Variants in IPCEF1 observed in about 807,000 individuals in gnomAD.
IPCEF1 encodes interactor protein for cytohesin exchange factors 1.
IPCEF1 carries 31 observed loss-of-function variants against 50.9 expected under a neutral mutation model. The ratio of observed to expected loss-of-function variants is 0.61; its 90% CI spans 0.46 to 0.82. IPCEF1 has a LOEUF of 0.82. IPCEF1 is among the 40% of genes least tolerant of loss of function. The pLI, the probability that IPCEF1 is intolerant of heterozygous loss-of-function variation, is 0.00. For missense variants in IPCEF1, 458 were observed against 514.0 expected (o/e 0.89, Z 1.05); for synonymous variants, 181 against 192.0 (o/e 0.94, Z 0.47).
At chr6:154,267,337 T>C (rs1379585364) in intron 2 of IPCEF1, among the ~76,000 whole-genome samples, 2 of 151,616 alleles carry the variant, frequency 1.3e-5, no homozygotes, top group Admixed American at 6.6e-5. Context: ...ATCTCATTAG[T>C]AATAAAATAA....
intron 2 of IPCEF1, among the ~76,000 whole-genome samples, chr6:154,274,064 T>C (rs1004646756): frequency 7.2e-5 from 11 of 151,832 alleles, no homozygotes; most frequent in Non-Finnish European, 1.5e-4. Context: ...CTTTTTTTTT[T>C]TTTAACTTAA....
intron 5 of IPCEF1, among the ~76,000 whole-genome samples, chr6:154,233,532 C>T (rs1779883761): frequency 6.9e-6 from 1 of 145,916 alleles, no homozygotes; most frequent in South Asian, 2.1e-4. Context: ...TCTACATAGA[C>T]AACATTTGGT....
At position 154,219,985 on chromosome 6, in the gene IPCEF1, AGTGTGTGTGTGT is replaced by A. The variant is rs57450665; in HGVS notation, c.392+1260_392+1271del. Among the ~76,000 whole-genome samples, 328 of 140,132 alleles carry A rather than the reference AGTGTGTGTGTGT, an allele frequency of 2.3e-3. 1 individual carries two copies. Among genetic ancestry groups the A allele is most frequent in the African/African-American group, 6.9e-3 (261 of 37,986 alleles). 91.9% of individuals were successfully genotyped at this position (140,132 alleles called of 152,430 possible). ...CAGAGCTGAGCGGATACCTGTAAGG[AGTGTGTGTGTGT>A]GTGTGTGTGTGTGTGTGTGTGTGTG... On this transcript the variant is annotated intron_variant, in intron 7 of 11. Coordinates refer to ENST00000367220, the MANE Select transcript of IPCEF1 (RefSeq NM_001130700.2).
At chr6:154,270,209 G>A (rs1781868035) in intron 2 of IPCEF1, among the ~76,000 whole-genome samples, 1 of 152,182 alleles carries the variant, frequency 6.6e-6, no homozygotes, top group Non-Finnish European at 1.5e-5. Flanking sequence ...GAGGTTTCCA[G>A]TTCTTTGCTT....
intron 1 of IPCEF1, among the ~76,000 whole-genome samples, chr6:154,304,864 A>G (rs181459768): frequency 0.01 from 1,529 of 152,358 alleles, 11 homozygotes; most frequent in Non-Finnish European, 0.013. Flanking sequence ...CTGTAATCCC[A>G]GCACTTTGGG....
chr6:154,197,027 T>C (rs971256711), intron 10 of IPCEF1, among the ~76,000 whole-genome samples: 3 of 152,172 alleles, frequency 2.0e-5, no homozygotes, highest in African/African-American at 7.2e-5. Flanking sequence ...GTTATTAATC[T>C]TTAAGAATCT....
chr6:154,184,541 GTA>G (rs560871740), intron 10 of IPCEF1, among the ~76,000 whole-genome samples: 65 of 150,888 alleles, frequency 4.3e-4, no homozygotes, highest in Middle Eastern at 3.4e-3. Context: ...GTATGTGTAT[GTA>G]TATATATATA....
intron 1 of IPCEF1, among the ~76,000 whole-genome samples, chr6:154,313,971 C>T (rs1384182663): frequency 2.0e-5 from 3 of 151,950 alleles, no homozygotes; most frequent in African/African-American, 7.3e-5. Context: ...TGGTCTCAAA[C>T]TCCTGGCCTC....
chr6:154,222,608 C>G (rs1778952762), intron 6 of IPCEF1, among the ~76,000 whole-genome samples: 1 of 152,196 alleles, frequency 6.6e-6, no homozygotes, highest in Non-Finnish European at 1.5e-5. Context: ...GTCACAAACT[C>G]TTTGGGCTGT....
intron 1 of IPCEF1, among the ~76,000 whole-genome samples, chr6:154,331,359 A>G (rs1583997051): frequency 7.2e-6 from 1 of 138,328 alleles, no homozygotes; most frequent in South Asian, 2.4e-4. Flanking sequence ...AAGGAAAGAG[A>G]AAGAAAGAAA....
At chr6:154,235,545 A>AT (rs1394323356) in intron 5 of IPCEF1, among the ~76,000 whole-genome samples, 104 of 150,316 alleles carry the variant, frequency 6.9e-4, no homozygotes, top group African/African-American at 2.3e-3. Context: ...AAAAAAAAAA[A>AT]AAAAAAGTAA....
chr6:154,207,290 A>C (rs1426583296), intron 9 of IPCEF1, among the ~76,000 whole-genome samples: 1 of 152,226 alleles, frequency 6.6e-6, no homozygotes, highest in African/African-American at 2.4e-5. Flanking sequence ...AAGTCTTAAA[A>C]TCAGTTAGAT....
At chr6:154,334,009 G>A (rs1470085019) in intron 1 of IPCEF1, among the ~76,000 whole-genome samples, 3 of 152,108 alleles carry the variant, frequency 2.0e-5, no homozygotes, top group Non-Finnish European at 4.4e-5. Flanking sequence ...ACACAGAAAT[G>A]AGAAAAGCTG....
At chr6:154,173,046 G>A (rs769011125) in intron 10 of IPCEF1, among the ~76,000 whole-genome samples, 3 of 152,234 alleles carry the variant, frequency 2.0e-5, no homozygotes, top group African/African-American at 4.8e-5. Context: ...TGCACCTGCA[G>A]CAAACTCCAA....
intron 1 of IPCEF1, among the ~76,000 whole-genome samples, chr6:154,301,858 TA>T (rs1315228766): frequency 3.9e-5 from 6 of 152,194 alleles, no homozygotes; most frequent in African/African-American, 9.7e-5. Flanking sequence ...CTCAAAAGGT[TA>T]AAAAAATTAT....
chr6:154,329,787 G>A (rs1783615257), intron 1 of IPCEF1, among the ~76,000 whole-genome samples: 2 of 152,026 alleles, frequency 1.3e-5, no homozygotes, highest in Admixed American at 1.3e-4. Context: ...GCTTAGTGGC[G>A]AATTCACATG....
chr6:154,296,870 A>G (rs946918234), intron 1 of IPCEF1, among the ~76,000 whole-genome samples: 2 of 152,030 alleles, frequency 1.3e-5, no homozygotes, highest in African/African-American at 2.4e-5. Context: ...ATCATCCTCA[A>G]CGGTTTTGGA....
chr6:154,295,359 G>A (rs569440027), intron 1 of IPCEF1, among the ~76,000 whole-genome samples: 6 of 152,184 alleles, frequency 3.9e-5, no homozygotes, highest in African/African-American at 7.2e-5. Flanking sequence ...GGCATCTGCC[G>A]CTGTGGCTGC....
At chr6:154,353,382 G>A (rs888350227) in intron 1 of IPCEF1, among the ~76,000 whole-genome samples, 3 of 149,552 alleles carry the variant, frequency 2.0e-5, no homozygotes, top group African/African-American at 7.5e-5. Context: ...GCGCCTCCCG[G>A]ATTCAAGTGG....
Sources: gnomAD v4.1 joint callset for allele counts (sites outside exome capture counted in the v4.1 genomes callset) on GRCh38, gnomAD v4.1.1 for gene constraint, MANE v1.5 for transcripts, NCBI Gene and HGNC (gene_info 2026-07-23, HGNC 2026-07-21) for gene names.